CRTC1: variants seen among roughly 807,000 people sequenced by gnomAD.
CRTC1 encodes the protein CREB regulated transcription coactivator 1, also known as CREB-regulated transcription coactivator 1.
Under a neutral mutation model 66.1 loss-of-function variants are expected in CRTC1, and 18 were observed. The observed-to-expected ratio is 0.27, with a 90% confidence interval of 0.19 to 0.40. CRTC1 has a LOEUF of 0.40. CRTC1 is among the 10% of genes least tolerant of loss of function. The pLI is 1.00. For synonymous variants in CRTC1, 416 were observed against 398.8 expected, an observed-to-expected ratio of 1.04 and a Z score of -0.51; for missense variants, 669 against 887.9, an observed-to-expected ratio of 0.75 and a Z score of 3.13.
chr19:18,765,078 CT>C (rs1317066975), intron 8 of CRTC1, among the ~76,000 whole-genome samples: 1 of 152,214 alleles, frequency 6.6e-6, no homozygotes, highest in African/African-American at 2.4e-5. Context: ...TCCAAAGCCC[CT>C]GGGAAGGCTC....
chr19:18,774,275 C>T (rs187837783), intron 11 of CRTC1, among the ~76,000 whole-genome samples: 24 of 152,308 alleles, frequency 1.6e-4, no homozygotes, highest in Admixed American at 9.1e-4. Context: ...CCCCTAGCCC[C>T]CTGCTCCTGT....
intron 1 of CRTC1, among the ~76,000 whole-genome samples, chr19:18,697,781 G>A (rs1337893851): frequency 1.3e-5 from 2 of 152,272 alleles, no homozygotes; most frequent in Non-Finnish European, 2.9e-5. Flanking sequence ...TGGAGGTGTG[G>A]CTACTGTGGA....
chr19:18,775,463 G>A (rs1475662501), intron 12 of CRTC1, among the ~76,000 whole-genome samples, 178 bp from the exon 13 acceptor site: 3 of 152,208 alleles, frequency 2.0e-5, no homozygotes, highest in South Asian at 2.1e-4. Context: ...CTAGGGTGGC[G>A]GGGAGGCCCC....
rs376772507 is a variant in CRTC1, at chr19:18,779,079, C to T, written c.*1697C>T. ...AGGGCTGGCTTTGTTTTCTGCTGTTCTTGGAATAGGAACTGCTGTTCTGAT... is the reference window on the plus strand; with the variant it reads ...AGGGCTGGCTTTGTTTTCTGCTGTTTTTGGAATAGGAACTGCTGTTCTGAT... On this transcript the variant is annotated 3_prime_UTR_variant, in exon 14 of 14. Coordinates refer to ENST00000321949, the MANE Select transcript of CRTC1 (RefSeq NM_015321.3). The T allele has an allele frequency of 1.3e-5, 3 of 232,664 alleles. No homozygotes were observed. The highest frequency in any genetic ancestry group is 6.6e-5 in the African/African-American group (3 of 45,446). The allele number at this position is 232,664 out of a possible 1,614,324, so 14.4% of individuals were successfully genotyped here.
intron 12 of CRTC1, among the ~76,000 whole-genome samples, 160 bp downstream of exon 12, chr19:18,775,146 C>T (rs1449198184): frequency 6.6e-6 from 1 of 152,244 alleles, no homozygotes; most frequent in African/African-American, 2.4e-5. Context: ...GTCCCATCTG[C>T]GGGCTATGGA....
At chr19:18,723,611 G>T (rs1417671841) in intron 1 of CRTC1, among the ~76,000 whole-genome samples, 5 of 152,346 alleles carry the variant, frequency 3.3e-5, no homozygotes, top group African/African-American at 9.6e-5. Context: ...TTTCCTAACG[G>T]TGGGCTTGCG....
In CRTC1 at chr19:18,768,912, G is replaced by C; in HGVS notation, c.1320+119G>C. 4 of 1,291,248 alleles carry C rather than the reference G, an allele frequency of 3.1e-6. No individual in the cohort carries two copies. The South Asian group carries it at 6.2e-5, about 20-fold the overall frequency. The allele number at this position is 1,291,248 out of a possible 1,614,324, so 80.0% of individuals were successfully genotyped here. On this transcript the variant is annotated intron_variant, in intron 10 of 13. Coordinates refer to ENST00000321949, the MANE Select transcript of CRTC1 (RefSeq NM_015321.3). The surrounding 1 kb of genome is among the most constrained non-coding windows in gnomAD (Gnocchi z 5.6). ...GCCAGGGGTCAGAACCCCAGCGAAC[G>C]CTGCCTGGGCCCACCTCTCCACGGG...
In CRTC1 at chr19:18,760,964, C is replaced by T. The variant is rs1292648167; in HGVS notation, c.886+736C>T. Among the ~76,000 whole-genome samples, 4 of 151,832 alleles carry T rather than the reference C, an allele frequency of 2.6e-5. No individual in the cohort carries two copies. The highest frequency in any genetic ancestry group is 5.9e-5 in the Non-Finnish European group (4 of 67,930). ...GAACAGCCACCAGCCATGGCTTCCT[C>T]CACTTGGGACCTCGCACGGCCCCCA... On this transcript the variant is annotated intron_variant, in intron 8 of 13. Coordinates refer to ENST00000321949, the MANE Select transcript of CRTC1 (RefSeq NM_015321.3). The surrounding 1 kb of genome is among the most constrained non-coding windows in gnomAD (Gnocchi z 6.2).
intron 1 of CRTC1, among the ~76,000 whole-genome samples, chr19:18,719,468 C>T (rs1366688050): frequency 6.6e-6 from 1 of 152,212 alleles, no homozygotes; most frequent in Admixed American, 6.5e-5. Flanking sequence ...TCTGGCCTTC[C>T]AAATCACAAA....
intron 1 of CRTC1, among the ~76,000 whole-genome samples, chr19:18,712,059 G>C (rs2053404154): frequency 6.6e-6 from 1 of 151,854 alleles, no homozygotes; most frequent in African/African-American, 2.4e-5. Context: ...TATCACCTCA[G>C]CCTCCCAAGT....
intron 8 of CRTC1, among the ~76,000 whole-genome samples, chr19:18,762,622 C>G (rs991128559): frequency 6.6e-6 from 1 of 152,226 alleles, no homozygotes; most frequent in Non-Finnish European, 1.5e-5. Context: ...TCCTTCCTGG[C>G]CCAGCTTTGA....
chr19:18,736,326 GTCCTGGTCAGC>G (rs1390416745), intron 1 of CRTC1, among the ~76,000 whole-genome samples: 5 of 150,408 alleles, frequency 3.3e-5, no homozygotes. Flanking sequence ...AATCCCCGGG[GTCCTGGTCAGC>G]TCCCAGGATC....
chr19:18,749,728 C>T (rs932372217), intron 4 of CRTC1, 53 bp from the exon 5 acceptor site: 15 of 1,446,820 alleles, frequency 1.0e-5, no homozygotes, highest in Middle Eastern at 1.7e-4. Context: ...TCAGGACTAT[C>T]GCATTGTCTG....
At chr19:18,707,315 A>T (rs2053289174) in intron 1 of CRTC1, among the ~76,000 whole-genome samples, 1 of 152,176 alleles carries the variant, frequency 6.6e-6, no homozygotes, top group Non-Finnish European at 1.5e-5. Flanking sequence ...ATTCTTTTGC[A>T]TATGGAGATC....
intron 1 of CRTC1, among the ~76,000 whole-genome samples, chr19:18,719,027 G>A (rs1370549701): frequency 6.6e-6 from 1 of 152,190 alleles, no homozygotes; most frequent in African/African-American, 2.4e-5. Context: ...AGGTCACGTG[G>A]GTGTCTGGGT....
chr19:18,709,433 G>A (rs981382703), intron 1 of CRTC1, among the ~76,000 whole-genome samples: 1 of 152,218 alleles, frequency 6.6e-6, no homozygotes, highest in African/African-American at 2.4e-5. Context: ...GGTGGCAGGA[G>A]CCAGGACAGC....
intron 1 of CRTC1, among the ~76,000 whole-genome samples, chr19:18,714,281 A>C (rs1600818535): frequency 6.6e-6 from 1 of 151,572 alleles, no homozygotes; most frequent in East Asian, 1.9e-4. Flanking sequence ...CACTCCATCC[A>C]CCTGCTATTC....
chr19:18,755,351 C>T (rs2054459718), intron 6 of CRTC1, among the ~76,000 whole-genome samples: 1 of 152,150 alleles, frequency 6.6e-6, no homozygotes, highest in African/African-American at 2.4e-5. Flanking sequence ...CCTTGGAGTC[C>T]TGGACTTAAA....
At chr19:18,758,645 C>T (rs775588001) in intron 6 of CRTC1, among the ~76,000 whole-genome samples, 3 of 152,144 alleles carry the variant, frequency 2.0e-5, no homozygotes, top group Non-Finnish European at 2.9e-5. Context: ...TGAGGGTCCC[C>T]GGGGAAGTCA....
Sources: allele counts gnomAD v4.1 joint callset (sites outside exome capture counted in the v4.1 genomes callset), GRCh38; gene constraint gnomAD v4.1.1; non-coding constraint Gnocchi (gnomAD v3.1); transcripts MANE v1.5; gene names NCBI Gene and HGNC (gene_info 2026-07-23, HGNC 2026-07-21).